NFE2L1: variants seen among roughly 807,000 people sequenced by gnomAD.
The protein encoded by NFE2L1 is endoplasmic reticulum membrane sensor NFE2L1.
Under a neutral mutation model 61.6 loss-of-function variants are expected in NFE2L1, and 18 were observed. That is an observed-to-expected ratio of 0.29 (90% CI 0.20 to 0.43). The LOEUF (loss-of-function observed/expected upper bound fraction) is 0.43. Among genes scored for constraint, NFE2L1 ranks in the 20% least tolerant of loss-of-function variants. The pLI, the probability that NFE2L1 is intolerant of heterozygous loss-of-function variation, is 1.00. For synonymous variants in NFE2L1, 419 were observed against 402.7 expected (o/e 1.04, Z -0.48); for missense variants, 827 against 973.5 (o/e 0.85, Z 2.00).
intron 2 of NFE2L1, chr17:48,054,847 GGCTGGCTGGGCCGC>G: frequency 8.5e-7 from 1 of 1,182,020 alleles, no homozygotes; most frequent in African/African-American, 4.1e-5. Context: ...GGAGGAAGGG[GGCTGGCTGGGCCGC>G]CCAGGCAGCA....
At chr17:48,053,748 GT>G (rs1382964540) in intron 2 of NFE2L1, among the ~76,000 whole-genome samples, 2 of 152,218 alleles carry the variant, frequency 1.3e-5, no homozygotes, top group African/African-American at 4.8e-5. Flanking sequence ...AGTCTGAATT[GT>G]GATACTGAGT....
Position 48,059,732 on chromosome 17 carries a change from TA to T in NFE2L1, c.*94del, listed in dbSNP as rs2037502043. The T allele has an allele frequency of 4.8e-6, 7 of 1,467,774 alleles. No homozygotes were observed. The South Asian group carries it at 9.8e-5, about 21-fold the overall frequency. 90.9% of individuals were successfully genotyped at this position (1,467,774 alleles called of 1,614,324 possible). ...TGGACCTGGACCTACAGCGGGGACTTAAATGCCTTCTTATCCAATATATCTT... is the reference window on the plus strand; with the variant it reads ...TGGACCTGGACCTACAGCGGGGACTTAATGCCTTCTTATCCAATATATCTT... On this transcript the variant is annotated 3_prime_UTR_variant, in exon 6 of 6. Transcript: ENST00000362042. This position sits in a 1 kb window ranked among gnomAD's most constrained non-coding sequence, Gnocchi z 6.1.
intron 5 of NFE2L1, among the ~76,000 whole-genome samples, chr17:48,057,996 G>C (rs1310734958): frequency 1.3e-5 from 2 of 152,188 alleles, no homozygotes; most frequent in Non-Finnish European, 2.9e-5. Flanking sequence ...TCTTTTCACT[G>C]TGCTGATTTT....
intron 5 of NFE2L1, among the ~76,000 whole-genome samples, chr17:48,057,939 C>T (rs974671497): frequency 2.0e-5 from 3 of 152,198 alleles, no homozygotes; most frequent in Admixed American, 2.0e-4. Context: ...TGCCCATCGT[C>T]ACACAGCAAG....
intron 2 of NFE2L1, 102 bp downstream of exon 2, chr17:48,051,730 G>A: frequency 7.1e-7 from 1 of 1,406,520 alleles, no homozygotes; most frequent in South Asian, 1.4e-5. Flanking sequence ...AGCCAGACAG[G>A]TTTCAGCAGG....
chr17:48,051,245 A>T lies in NFE2L1; in HGVS notation c.127A>T (p.Ile43Phe). Reference sequence around the variant, plus strand: ...ACAGCTTCCCCCACTCCGGGAGATCATCCTGGGGCCCAGTTCTGCCTATAC... The same window carrying T: ...ACAGCTTCCCCCACTCCGGGAGATCTTCCTGGGGCCCAGTTCTGCCTATAC... ...TSQLPPLREI[I>F]LGPSSAYTQT... Residue 43 changes from isoleucine (I) to phenylalanine (F), a missense_variant, in exon 2 of 6, where the codon ATC (isoleucine) becomes TTC (phenylalanine). Ile to Phe is a conservative substitution (Grantham distance 21). Around this residue, in one of 3 missense-constraint regions of NFE2L1, gnomAD observed 667 missense variants for 748.4 expected, o/e 0.89. Transcript: ENST00000362042. The T allele has an allele frequency of 6.2e-7, 1 of 1,614,144 alleles. No homozygotes were observed. Among genetic ancestry groups the T allele is most frequent in the Non-Finnish European group, 8.5e-7 (1 of 1,180,012 alleles).
intron 2 of NFE2L1, chr17:48,055,290 G>T: frequency 9.7e-7 from 1 of 1,027,868 alleles, no homozygotes; most frequent in Non-Finnish European, 1.3e-6. Context: ...GTGTATGTCT[G>T]CATTTTAACC....
chr17:48,048,627 C>T (rs1181252776), intron 1 of NFE2L1, 165 bp downstream of exon 1: 3 of 151,026 alleles, frequency 2.0e-5, no homozygotes, highest in African/African-American at 7.4e-5. Context: ...CGCGCGGGGC[C>T]GAGAGGAAAG....
At position 48,060,709 on chromosome 17, in the gene NFE2L1, A is replaced by G. The variant is rs2037531517; in HGVS notation, c.*1068A>G. 1 of 152,568 alleles carries G rather than the reference A, an allele frequency of 6.6e-6. No homozygotes were observed. The highest frequency in any genetic ancestry group is 2.4e-5 in the African/African-American group (1 of 41,418). 9.5% of individuals were successfully genotyped at this position (152,568 alleles called of 1,614,324 possible). ...GGATTCAGCACAACACTGGGGAGTC[A>G]CCCTTCCCTCGGGCCTCTGCCTACC... On this transcript the variant is annotated 3_prime_UTR_variant, in exon 6 of 6. Transcript: ENST00000362042.
At chr17:48,053,438 C>T (rs553213164) in intron 2 of NFE2L1, among the ~76,000 whole-genome samples, 174 of 152,264 alleles carry the variant, frequency 1.1e-3, no homozygotes, top group Admixed American at 2.3e-3. Flanking sequence ...GATAAAAATA[C>T]CCAGGTCCAG....
chr17:48,060,616 C>T lies in NFE2L1; in HGVS notation c.*975C>T, dbSNP rs1299156287. On this transcript the variant is annotated 3_prime_UTR_variant, in exon 6 of 6. Coordinates refer to ENST00000362042, the MANE Select transcript of NFE2L1 (RefSeq NM_003204.3). Reference sequence around the variant, plus strand: ...AGTGCTCCGGGAACTGGGCCTGCAGCCTTCCTCTTCTGGGACTGCTGTGAG... The same window carrying T: ...AGTGCTCCGGGAACTGGGCCTGCAGTCTTCCTCTTCTGGGACTGCTGTGAG... The T allele has an allele frequency of 6.5e-6, 1 of 152,830 alleles. No individual in the cohort carries two copies. The highest frequency in any genetic ancestry group is 1.5e-5 in the Non-Finnish European group (1 of 68,216). 9.5% of individuals were successfully genotyped at this position (152,830 alleles called of 1,614,324 possible). A position where few individuals can be genotyped will look rare whatever the true frequency, so the allele number is the denominator to read the frequency against.
intron 2 of NFE2L1, chr17:48,054,458 T>G (rs2144367473): frequency 2.1e-6 from 1 of 485,118 alleles, no homozygotes; most frequent in South Asian, 1.1e-4. Context: ...CTTCCGCATC[T>G]CCAGCGGAGA....
chr17:48,058,161 C>T, intron 5 of NFE2L1, 134 bp from the exon 6 acceptor site: 1 of 1,283,576 alleles, frequency 7.8e-7, no homozygotes, highest in Non-Finnish European at 1.0e-6. Context: ...CAGGAGCTGA[C>T]ACTGTGGGCT....
chr17:48,055,454 G>A (rs1400344161), intron 2 of NFE2L1, among the ~76,000 whole-genome samples: 1 of 152,084 alleles, frequency 6.6e-6, no homozygotes, highest in African/African-American at 2.4e-5. Context: ...CTGTTCACGA[G>A]CCACCAGGGT....
chr17:48,056,259 CAGGTGAAGAGCTGGG>C (rs2037398301), intron 2 of NFE2L1, 112 bp from the exon 3 acceptor site: 10 of 901,282 alleles, frequency 1.1e-5, no homozygotes, highest in Middle Eastern at 3.1e-4. Flanking sequence ...TAAAGGCTGG[CAGGTGAAGAGCTGGG>C]AGGGGCCCCA....
In NFE2L1 at chr17:48,056,537, C is replaced by G; in HGVS notation, c.662C>G (p.Ala221Gly). The stretch of plus-strand genomic sequence containing the variant: ...CAGGACACCTGGGCAGGCGAGGGCG[C>G]GGAAGCTCTGGCACGGAACCTGCTA... ...GEQDTWAGEG[A>G]EALARNLLVD... The change falls in exon 3 of 6, where the codon GCG (alanine) becomes GGG (glycine). Residue 221 changes from alanine (A) to glycine (G), a missense_variant. Around this residue, in one of 3 missense-constraint regions of NFE2L1, gnomAD observed 667 missense variants for 748.4 expected, o/e 0.89. Transcript: ENST00000362042. The G allele has an allele frequency of 6.2e-7, 1 of 1,614,076 alleles. No homozygotes were observed. Among genetic ancestry groups the G allele is most frequent in the South Asian group, 1.1e-5 (1 of 91,082 alleles).
intron 1 of NFE2L1, chr17:48,049,194 A>G (rs1315219297): frequency 1.3e-5 from 2 of 152,172 alleles, no homozygotes; most frequent in South Asian, 4.1e-4. Context: ...ATGGAAGCTC[A>G]AAAGTGGAGA....
At chr17:48,054,782 G>C in intron 2 of NFE2L1, 1 of 1,318,738 alleles carries the variant, frequency 7.6e-7, no homozygotes, top group Non-Finnish European at 9.7e-7. Flanking sequence ...GGTGGGGGCA[G>C]CTGGGCGCCT....
At position 48,051,026 on chromosome 17, in the gene NFE2L1, A is replaced by C; in HGVS notation, c.-93A>C. ...TACGGGGTTTGACACTGAGGAGGGT[A>C]ACCTGCTGGCTGGAGCGGCAGAGCA... On this transcript the variant is annotated 5_prime_UTR_variant, in exon 2 of 6. Coordinates refer to ENST00000362042, the MANE Select transcript of NFE2L1 (RefSeq NM_003204.3). 5.6e-5 allele frequency: 85 copies of C among 1,513,610 alleles called. No individual in the cohort carries two copies. The highest frequency in any genetic ancestry group is 6.9e-5 in the Non-Finnish European group (76 of 1,103,320). The allele number at this position is 1,513,610 out of a possible 1,614,324, so 93.8% of individuals were successfully genotyped here.
Sources: allele counts gnomAD v4.1 joint callset (sites outside exome capture counted in the v4.1 genomes callset), GRCh38; gene constraint gnomAD v4.1.1; regional missense constraint gnomAD v4.1.1; non-coding constraint Gnocchi (gnomAD v3.1); transcripts MANE v1.5; gene names NCBI Gene and HGNC (gene_info 2026-07-23, HGNC 2026-07-21).